The following CDK1 variants were observed in gnomAD, a reference collection of about 807,000 sequenced individuals.
CDK1 encodes cyclin dependent kinase 1, also known as cyclin-dependent kinase 1.
Under a neutral mutation model 34.6 loss-of-function variants are expected in CDK1, and 5 were observed. The observed-to-expected ratio is 0.14, with a 90% confidence interval of 0.08 to 0.30. The LOEUF is 0.30. Among genes scored for constraint, CDK1 ranks in the 10% least tolerant of loss-of-function variants. The pLI is 1.00. For missense variants in CDK1, 157 were observed against 345.7 expected, an observed-to-expected ratio of 0.45 and a Z score of 4.33; for synonymous variants, 108 against 114.7, an observed-to-expected ratio of 0.94 and a Z score of 0.37.
At chr10:60,787,398 G>A (rs548282822) in intron 4 of CDK1, among the ~76,000 whole-genome samples, 93 of 152,112 alleles carry the variant, frequency 6.1e-4, no homozygotes, top group African/African-American at 2.1e-3. Flanking sequence ...TGGATCATCC[G>A]TTTTGTTTTG....
rs777096655 is a variant in CDK1 at position 60,780,243 on chromosome 10, A to G, written c.37+41A>G. 4.0e-6 allele frequency: 4 copies of G among 992,904 alleles called. No individual in the cohort carries two copies. In the South Asian group the frequency reaches 5.2e-5, roughly 13 times the overall value. 61.5% of individuals were successfully genotyped at this position (992,904 alleles called of 1,614,324 possible). ...AAAATAAATTTTATGGAATGATTTA[A>G]CAATGCTACAACTTCTGTAATATGA... On this transcript the variant is annotated intron_variant, in intron 2 of 7. Coordinates refer to ENST00000395284, the MANE Select transcript of CDK1 (RefSeq NM_001786.5).
chr10:60,779,190 AC>A (rs1274157063), intron 1 of CDK1, among the ~76,000 whole-genome samples: 1 of 152,252 alleles, frequency 6.6e-6, no homozygotes, highest in Non-Finnish European at 1.5e-5. Context: ...TTAAAAAGAT[AC>A]ATCTCTGCTT....
chr10:60,787,350 C>T (rs376498244), intron 4 of CDK1, among the ~76,000 whole-genome samples: 6 of 152,146 alleles, frequency 3.9e-5, no homozygotes, highest in African/African-American at 9.6e-5. Context: ...CAATGCATTT[C>T]GACAAGGTAT....
Position 60,794,395 on chromosome 10 carries a change from A to G in CDK1, c.*420A>G, listed in dbSNP as rs909119736. ...TAAATGTTCTCATCAGTTTCTTGCCATGTTGTTAACTATACAACCTGGCTA... is the reference window on the plus strand; with the variant it reads ...TAAATGTTCTCATCAGTTTCTTGCCGTGTTGTTAACTATACAACCTGGCTA... On this transcript the variant is annotated 3_prime_UTR_variant, in exon 8 of 8. Coordinates refer to ENST00000395284, the MANE Select transcript of CDK1 (RefSeq NM_001786.5). The G allele has an allele frequency of 6.5e-6, 1 of 152,834 alleles. No individual in the cohort carries two copies. Among genetic ancestry groups the G allele is most frequent in the African/African-American group, 2.4e-5 (1 of 41,484 alleles). The allele number at this position is 152,834 out of a possible 1,614,324, so 9.5% of individuals were successfully genotyped here.
chr10:60,792,232 A>G lies in CDK1; in HGVS notation c.738A>G (p.Pro246=), dbSNP rs781453882. The change falls in exon 7 of 8, where the codon CCA becomes CCG. Residue 246 remains proline, a synonymous_variant. Transcript: ENST00000395284. ...AGAATACATTTCCCAAATGGAAACC[A>G]GGAAGCCTAGCATCCCATGTCAAAA... The part of the protein sequence containing the change: ...DYKNTFPKWK[P]GSLASHVKNL... The G allele has an allele frequency of 6.2e-7, 1 of 1,613,128 alleles. No homozygotes were observed. Among genetic ancestry groups the G allele is most frequent in the Non-Finnish European group, 8.5e-7 (1 of 1,179,516 alleles).
chr10:60,778,998 A>G (rs915792153), intron 1 of CDK1, among the ~76,000 whole-genome samples: 10 of 151,950 alleles, frequency 6.6e-5, no homozygotes, highest in African/African-American at 2.4e-4. Flanking sequence ...GGAAAGTGGG[A>G]CCGCACCTGG....
rs1030850986 is a variant in CDK1 at position 60,792,327 on chromosome 10, A to G, written c.795+38A>G. The G allele has an allele frequency of 2.0e-6, 3 of 1,537,488 alleles. 1 individual carries two copies. In the South Asian group the frequency reaches 3.7e-5, roughly 19 times the overall value. ...CTTGATACTGACTTTCAAATTATTG[A>G]TGATTCTGAATATATTCAGTTCTTT... On this transcript the variant is annotated intron_variant, in intron 7 of 7. Coordinates refer to ENST00000395284, the MANE Select transcript of CDK1 (RefSeq NM_001786.5).
intron 5 of CDK1, among the ~76,000 whole-genome samples, chr10:60,791,339 T>G (rs1170661300): frequency 6.6e-6 from 1 of 152,154 alleles, no homozygotes; most frequent in African/African-American, 2.4e-5. Flanking sequence ...AACTATTAAT[T>G]TTTGTATGCT....
chr10:60,787,043 G>A lies in CDK1; in HGVS notation c.319-1017G>A, dbSNP rs2080322557. On this transcript the variant is annotated intron_variant, in intron 4 of 7. Transcript: ENST00000395284. ...AGATTTATTTTGACTTAAAAACTGG[G>A]ATACAGATTCTGCTTTATCTTTTTC... 9 of 984,352 alleles carry A rather than the reference G, an allele frequency of 9.1e-6. 1 individual carries two copies. In the South Asian group the frequency reaches 3.8e-4, roughly 41 times the overall value. 61.0% of individuals were successfully genotyped at this position (984,352 alleles called of 1,614,324 possible). A position where few individuals can be genotyped will look rare whatever the true frequency, so the allele number is the denominator to read the frequency against.
At chr10:60,784,993 T>C in intron 3 of CDK1, 132 bp downstream of exon 3, 1 of 728,478 alleles carries the variant, frequency 1.4e-6, no homozygotes, top group Non-Finnish European at 2.3e-6. Flanking sequence ...CTATTTTTGG[T>C]AGTTGAGAAT....
intron 5 of CDK1, among the ~76,000 whole-genome samples, chr10:60,790,240 TG>T (rs1435374180): frequency 6.6e-6 from 1 of 152,140 alleles, no homozygotes; most frequent in African/African-American, 2.4e-5. Context: ...GATATAATCC[TG>T]TTTGTCTATT....
intron 5 of CDK1, among the ~76,000 whole-genome samples, chr10:60,789,474 TGTG>T (rs1448272984): frequency 6.6e-6 from 1 of 152,150 alleles, no homozygotes; most frequent in Non-Finnish European, 1.5e-5. Context: ...AGTGAAAACA[TGTG>T]GTATTTATCC....
chr10:60,786,524 C>G (rs2080317735), intron 4 of CDK1: 1 of 213,432 alleles, frequency 4.7e-6, no homozygotes, highest in Non-Finnish European at 8.0e-6. Context: ...ATTAACAGTA[C>G]TGCACTGAAT....
At chr10:60,793,125 A>G (rs766091919) in intron 7 of CDK1, among the ~76,000 whole-genome samples, 4 of 152,108 alleles carry the variant, frequency 2.6e-5, no homozygotes, top group Non-Finnish European at 5.9e-5. Context: ...AACTTGGGCA[A>G]GTTACTTCCC....
At chr10:60,786,951 AT>A (rs2132069967) in intron 4 of CDK1, 1 of 983,800 alleles carries the variant, frequency 1.0e-6, no homozygotes, top group South Asian at 4.7e-5. Flanking sequence ...ACATGTCAGT[AT>A]TTTTCTGGTA....
chr10:60,793,136 T>A (rs758685983), intron 7 of CDK1, among the ~76,000 whole-genome samples: 4 of 152,248 alleles, frequency 2.6e-5, no homozygotes, highest in African/African-American at 9.6e-5. Flanking sequence ...GTTACTTCCC[T>A]TCGAGCCTCA....
At chr10:60,780,970 G>A (rs1042889104) in intron 2 of CDK1, among the ~76,000 whole-genome samples, 2 of 152,100 alleles carry the variant, frequency 1.3e-5, no homozygotes, top group Admixed American at 6.5e-5. Flanking sequence ...AAACAAGGGG[G>A]AATACTGGAG....
At chr10:60,783,632 A>G (rs1306295480) in intron 2 of CDK1, 2 of 152,298 alleles carry the variant, frequency 1.3e-5, no homozygotes, top group South Asian at 4.1e-4. Context: ...GGACCTCCCT[A>G]AACTCCAACT....
intron 4 of CDK1, chr10:60,786,108 G>C: frequency 1.0e-6 from 1 of 999,148 alleles, no homozygotes. Flanking sequence ...CAGAGTGGTG[G>C]TTGTAGGTGT....
Sources: allele counts gnomAD v4.1 joint callset (sites outside exome capture counted in the v4.1 genomes callset), GRCh38; gene constraint gnomAD v4.1.1; transcripts MANE v1.5; gene names NCBI Gene and HGNC (gene_info 2026-07-23, HGNC 2026-07-21).